ITPR1: variants seen among roughly 807,000 people sequenced by gnomAD.
The protein encoded by ITPR1 is inositol 1,4,5-trisphosphate receptor type 1, also known as inositol 1,4,5-trisphosphate-gated calcium channel ITPR1.
A neutral mutation model predicts 318.4 loss-of-function variants in ITPR1; 96 were observed. The ratio of observed to expected loss-of-function variants is 0.30; its 90% confidence interval spans 0.26 to 0.36. The LOEUF is 0.36. Ranked by LOEUF, ITPR1 falls within the 10% of genes least tolerant of loss-of-function variation. The pLI is 1.00. For missense variants in ITPR1, 2,440 were observed against 3,460.2 expected (o/e 0.71, Z 7.40); for synonymous variants, 1,312 against 1,289.9 (o/e 1.02, Z -0.37).
intron 40 of ITPR1, among the ~76,000 whole-genome samples, chr3:4,718,181 A>G (rs1321990760): frequency 6.6e-6 from 1 of 152,248 alleles, no homozygotes; most frequent in Non-Finnish European, 1.5e-5. Context: ...GTTGTGACAC[A>G]TGCTAGGTAA....
chr3:4,679,723 G>T (rs1291376494), intron 24 of ITPR1, among the ~76,000 whole-genome samples: 5 of 152,178 alleles, frequency 3.3e-5, no homozygotes, highest in Admixed American at 3.3e-4. Flanking sequence ...AGTCAAGTTG[G>T]CATATAAAAT....
intron 36 of ITPR1, among the ~76,000 whole-genome samples, chr3:4,704,175 G>A (rs2094710571): frequency 6.6e-6 from 1 of 152,240 alleles, no homozygotes; most frequent in Admixed American, 6.5e-5. Flanking sequence ...CACTTTGGGA[G>A]GCTGAGACGG....
chr3:4,717,329 C>G, intron 39 of ITPR1, 38 bp from the exon 40 acceptor site: 4 of 1,509,530 alleles, frequency 2.6e-6, no homozygotes, highest in Non-Finnish European at 3.6e-6. Context: ...CCTTTCCTAA[C>G]ATTTCCTTCT....
intron 4 of ITPR1, among the ~76,000 whole-genome samples, chr3:4,566,011 G>C (rs982534574): frequency 2.6e-5 from 4 of 152,190 alleles, no homozygotes; most frequent in African/African-American, 9.6e-5. Context: ...GTGGCGTAAT[G>C]CTGGCCCCGT....
chr3:4,740,053 T>C (rs1158375226), intron 44 of ITPR1, among the ~76,000 whole-genome samples: 1 of 152,178 alleles, frequency 6.6e-6, no homozygotes, highest in Non-Finnish European at 1.5e-5. Context: ...TCACATTCTA[T>C]TGGTCAAAGC....
chr3:4,513,156 A>T (rs527577536), intron 2 of ITPR1, among the ~76,000 whole-genome samples: 4 of 152,270 alleles, frequency 2.6e-5, no homozygotes, highest in African/African-American at 9.6e-5. Context: ...AACAACAGGA[A>T]GTCTTCCAGA....
chr3:4,796,345 T>C (rs1243193985), intron 53 of ITPR1, among the ~76,000 whole-genome samples: 1 of 152,046 alleles, frequency 6.6e-6, no homozygotes, highest in Non-Finnish European at 1.5e-5. Context: ...CCCGTGTCTA[T>C]GTCTAAAAAG....
At position 4,551,729 on chromosome 3, in the gene ITPR1, CA is replaced by C. The variant is rs572351011; in HGVS notation, c.163+30636del. Reference sequence around the variant, plus strand: ...TACTCCATGTATATAGTACTTTTAACAGTTTCTAAAGGCTTATTCTCTTATT... The same window carrying C: ...TACTCCATGTATATAGTACTTTTAACGTTTCTAAAGGCTTATTCTCTTATT... On this transcript the variant is annotated intron_variant, in intron 4 of 61. Coordinates refer to ENST00000649015, the MANE Select transcript of ITPR1 (RefSeq NM_001378452.1). 1.1e-4 allele frequency among the ~76,000 whole-genome samples: 16 copies of C among 152,318 alleles called. No individual in the cohort carries two copies. In the South Asian group the frequency reaches 3.3e-3, roughly 32 times the overall value.
At chr3:4,561,684 AT>A (rs1211367700) in intron 4 of ITPR1, among the ~76,000 whole-genome samples, 1 of 151,902 alleles carries the variant, frequency 6.6e-6, no homozygotes, top group African/African-American at 2.4e-5. Context: ...CTTCTTTATT[AT>A]TTTTTTTAAT....
At chr3:4,607,772 C>T (rs1335358599) in intron 4 of ITPR1, among the ~76,000 whole-genome samples, 1 of 151,936 alleles carries the variant, frequency 6.6e-6, no homozygotes, top group African/African-American at 2.4e-5. Context: ...TTGGCAGGTC[C>T]AGGTGGAGGC....
Position 4,830,993 on chromosome 3 carries a change from T to A in ITPR1, c.8029-5781T>A, listed in dbSNP as rs147679470. On this transcript the variant is annotated intron_variant, in intron 60 of 61. Transcript: ENST00000649015. ...AGGTGATTGATTACTCGGTAGTCTT[T>A]CTTAGAACAGCCTCTTCTTTTGAAC... The A allele has an allele frequency of 5.6e-4, 257 of 456,676 alleles. 3 individuals are homozygous for A. In the East Asian group the frequency reaches 0.014, roughly 25 times the overall value. The allele number at this position is 456,676 out of a possible 1,614,324, so 28.3% of individuals were successfully genotyped here. A position where few individuals can be genotyped will look rare whatever the true frequency, so the allele number is the denominator to read the frequency against.
rs551413951 is a variant in ITPR1 at position 4,526,446 on chromosome 3, G to A, written c.163+5352G>A. Reference sequence around the variant, plus strand: ...TAAGCAAATGTATTGTGAAAAATGAGTGTTGACCTCCAGCGCTGAGGCCCT... The same window carrying A: ...TAAGCAAATGTATTGTGAAAAATGAATGTTGACCTCCAGCGCTGAGGCCCT... On this transcript the variant is annotated intron_variant, in intron 4 of 61. Coordinates refer to ENST00000649015, the MANE Select transcript of ITPR1 (RefSeq NM_001378452.1). 4.6e-5 allele frequency among the ~76,000 whole-genome samples: 7 copies of A among 152,312 alleles called. 1 individual carries two copies. Among genetic ancestry groups the A allele is most frequent in the South Asian group, 2.1e-4 (1 of 4,824 alleles).
chr3:4,705,665 T>C (rs565462170), intron 36 of ITPR1, among the ~76,000 whole-genome samples: 2 of 152,338 alleles, frequency 1.3e-5, no homozygotes, highest in East Asian at 3.9e-4. Context: ...GGAGTTCTCC[T>C]TTTTTAAGAC....
chr3:4,783,902 G>GCA lies in ITPR1; in HGVS notation c.6601_6602dup (p.Ala2202ArgfsTer4). Reference sequence around the variant, plus strand: ...ATGAAGCCCTGGAGTTTTATGCCAAGCACACGGCGCAGATAGAGGTAAAAG... The same window carrying GCA: ...ATGAAGCCCTGGAGTTTTATGCCAAGCACACACGGCGCAGATAGAGGTAAAAG... On this transcript the variant is annotated frameshift_variant, in exon 51 of 62. Transcript: ENST00000649015. LOFTEE classifies it high-confidence loss of function. 6.2e-7 allele frequency: 1 copy of GCA among 1,606,404 alleles called. No individual in the cohort carries two copies. Among genetic ancestry groups the GCA allele is most frequent in the Non-Finnish European group, 8.5e-7 (1 of 1,176,360 alleles).
chr3:4,764,605 T>C (rs886265478), intron 44 of ITPR1, among the ~76,000 whole-genome samples: 1 of 152,188 alleles, frequency 6.6e-6, no homozygotes, highest in African/African-American at 2.4e-5. Context: ...AGCAATAGGC[T>C]TGGGAGCTGC....
intron 19 of ITPR1, 118 bp downstream of exon 19, chr3:4,669,891 C>A: frequency 1.9e-6 from 2 of 1,035,200 alleles, no homozygotes; most frequent in Non-Finnish European, 2.6e-6. Flanking sequence ...GTGTGGCTGG[C>A]ATTTGATCTT....
Position 4,782,845 on chromosome 3 carries a change from T to C in ITPR1, c.6510+104T>C, listed in dbSNP as rs1023751441. Reference sequence around the variant, plus strand: ...TTGCTTTTCCTTTATGACTTTAACCTAGGACTGTCTGTACTCATGAGCCTG... The same window carrying C: ...TTGCTTTTCCTTTATGACTTTAACCCAGGACTGTCTGTACTCATGAGCCTG... On this transcript the variant is annotated intron_variant, in intron 50 of 61. Coordinates refer to ENST00000649015, the MANE Select transcript of ITPR1 (RefSeq NM_001378452.1). The C allele has an allele frequency of 1.4e-5, 15 of 1,092,366 alleles. No individual in the cohort carries two copies. In the African/African-American group the frequency reaches 1.9e-4, roughly 14 times the overall value. The allele number at this position is 1,092,366 out of a possible 1,614,324, so 67.7% of individuals were successfully genotyped here. A position where few individuals can be genotyped will look rare whatever the true frequency, so the allele number is the denominator to read the frequency against.
chr3:4,607,052 C>T (rs2091753941), intron 4 of ITPR1, among the ~76,000 whole-genome samples: 5 of 152,156 alleles, frequency 3.3e-5, no homozygotes, highest in Admixed American at 3.3e-4. Flanking sequence ...CCACACCAAA[C>T]AACAATAATA....
In ITPR1 at chr3:4,703,328, A is replaced by C. The variant is rs549430640; in HGVS notation, c.4657+378A>C. On this transcript the variant is annotated intron_variant, in intron 36 of 61. Transcript: ENST00000649015. ...GACCATGTGGTAACTTTTTCCTGGA[A>C]AGCACCTGTCACATCCTAAGGAACA... Among the ~76,000 whole-genome samples, 18 of 152,134 alleles carry C rather than the reference A, an allele frequency of 1.2e-4. No homozygotes were observed. The South Asian group carries it at 2.5e-3, about 21-fold the overall frequency.
Sources: allele counts gnomAD v4.1 joint callset (sites outside exome capture counted in the v4.1 genomes callset), GRCh38; gene constraint gnomAD v4.1.1; transcripts MANE v1.5; gene names NCBI Gene and HGNC (gene_info 2026-07-23, HGNC 2026-07-21).